The following AEBP2 variants were observed in gnomAD, a reference collection of about 807,000 sequenced individuals.
The protein encoded by AEBP2 is AE binding protein 2, also known as zinc finger protein AEBP2.
AEBP2 carries 10 observed loss-of-function variants against 50.8 expected under a neutral mutation model. The ratio of observed to expected loss-of-function variants is 0.20; its 90% CI spans 0.12 to 0.33. The LOEUF (loss-of-function observed/expected upper bound fraction) is 0.33. AEBP2 is among the 10% of genes least tolerant of loss of function. The pLI, the probability that AEBP2 is intolerant of heterozygous loss-of-function variation, is 1.00. For synonymous variants in AEBP2, 296 were observed against 261.3 expected, an observed-to-expected ratio of 1.13 and a Z score of -1.28; for missense variants, 570 against 688.0, an observed-to-expected ratio of 0.83 and a Z score of 1.92.
chr12:19,502,320 G>C (rs1187406519), intron 5 of AEBP2, among the ~76,000 whole-genome samples: 1 of 152,096 alleles, frequency 6.6e-6, no homozygotes, highest in Non-Finnish European at 1.5e-5. Flanking sequence ...TTTTAGTAGA[G>C]ATGGGGTTTT....
intron 2 of AEBP2, among the ~76,000 whole-genome samples, chr12:19,472,634 T>C (rs56256508): frequency 0.035 from 5,372 of 152,204 alleles, 133 homozygotes; most frequent in Non-Finnish European, 0.052. Context: ...GTCTCAAATA[T>C]CTCTCTATGT....
Position 19,515,769 on chromosome 12 carries a change from A to G in AEBP2, c.1481+985A>G, listed in dbSNP as rs145824393. On this transcript the variant is annotated intron_variant, in intron 7 of 7. Transcript: ENST00000266508. Reference sequence around the variant, plus strand: ...TGAGTGAAATTCCAACATAATGGGCATTGCTATGTAGAAGCATAGTTTTCC... The same window carrying G: ...TGAGTGAAATTCCAACATAATGGGCGTTGCTATGTAGAAGCATAGTTTTCC... Among the ~76,000 whole-genome samples the G allele has an allele frequency of 7.2e-3, 1,104 of 152,308 alleles. 10 individuals carry two copies. The highest frequency in any genetic ancestry group is 7.5e-3 in the Non-Finnish European group (511 of 68,030).
rs1947916561 is a variant in AEBP2, at chr12:19,439,949, G to C, written c.250G>C (p.Glu84Gln). Residue 84 changes from glutamate to glutamine, a missense_variant, in exon 1 of 8, where the codon GAG (glutamate) becomes CAG (glutamine). Transcript: ENST00000266508. ...GGGCGGCGAGGCAGAGACGATGTCG[G>C]AGCCGAGCCCCGAGAGCGCCAGCCA... ...VGGGEAETMS[E>Q]PSPESASQAG... is the part of the protein sequence containing the mutation. 1 of 1,518,338 alleles carries C rather than the reference G, an allele frequency of 6.6e-7. No individual in the cohort carries two copies. The allele number at this position is 1,518,338 out of a possible 1,614,324, so 94.1% of individuals were successfully genotyped here.
chr12:19,487,647 G>A (rs1000297580), intron 3 of AEBP2, among the ~76,000 whole-genome samples: 1 of 152,056 alleles, frequency 6.6e-6, no homozygotes, highest in African/African-American at 2.4e-5. Context: ...GAAGCTGGGA[G>A]GCAGAGGTTG....
intron 1 of AEBP2, among the ~76,000 whole-genome samples, chr12:19,407,060 A>G (rs1303094721): frequency 2.6e-5 from 4 of 152,086 alleles, no homozygotes; most frequent in Non-Finnish European, 5.9e-5. Context: ...TCGGCTACTC[A>G]GGAGGCTGAG....
intron 1 of AEBP2, among the ~76,000 whole-genome samples, chr12:19,448,167 A>G (rs977607098): frequency 2.6e-5 from 4 of 152,124 alleles, no homozygotes; most frequent in Admixed American, 1.3e-4. Flanking sequence ...TTGACCTCCC[A>G]AAGTGCTGGG....
chr12:19,404,858 C>T (rs1240524540), intron 1 of AEBP2, among the ~76,000 whole-genome samples: 3 of 151,248 alleles, frequency 2.0e-5, no homozygotes, highest in Non-Finnish European at 4.4e-5. Context: ...AACGCAGGGC[C>T]ATATGTTACG....
At chr12:19,481,478 T>TG (rs1299123500) in intron 3 of AEBP2, among the ~76,000 whole-genome samples, 1 of 148,818 alleles carries the variant, frequency 6.7e-6, no homozygotes. Context: ...TTTCTTTTCT[T>TG]TTTTTTTTTG....
intron 7 of AEBP2, among the ~76,000 whole-genome samples, chr12:19,517,314 A>G (rs1949334859): frequency 1.3e-5 from 2 of 151,936 alleles, no homozygotes; most frequent in East Asian, 1.9e-4. Flanking sequence ...CAAAATAGAT[A>G]TATTCCTTCA....
intron 4 of AEBP2, among the ~76,000 whole-genome samples, chr12:19,499,058 C>T (rs11044622): frequency 0.021 from 3,267 of 152,202 alleles, 42 homozygotes; most frequent in East Asian, 0.042. Flanking sequence ...CTGATTAATA[C>T]AAATGGCCTT....
intron 3 of AEBP2, among the ~76,000 whole-genome samples, chr12:19,492,253 G>C (rs886808576): frequency 6.6e-6 from 1 of 152,064 alleles, no homozygotes; most frequent in African/African-American, 2.4e-5. Flanking sequence ...TAATTACCAC[G>C]ATTCATTTGT....
intron 5 of AEBP2, among the ~76,000 whole-genome samples, chr12:19,502,437 C>G (rs1421901086): frequency 1.3e-5 from 2 of 151,766 alleles, no homozygotes; most frequent in African/African-American, 4.8e-5. Context: ...CCCGGCCTAT[C>G]TTGAGTTAAT....
chr12:19,485,156 T>A (rs982127522), intron 3 of AEBP2, among the ~76,000 whole-genome samples: 1 of 152,220 alleles, frequency 6.6e-6, no homozygotes, highest in African/African-American at 2.4e-5. Context: ...TGGTTGATGA[T>A]GATGTATATG....
chr12:19,414,517 A>C (rs1249238685), intron 1 of AEBP2, among the ~76,000 whole-genome samples: 1 of 152,214 alleles, frequency 6.6e-6, no homozygotes, highest in Non-Finnish European at 1.5e-5. Context: ...AGAGGCACCC[A>C]GGATGCAAAA....
At chr12:19,439,435 G>A (rs1947898420), upstream of AEBP2, among the ~76,000 whole-genome samples, 1 of 151,130 alleles carries the variant, frequency 6.6e-6, no homozygotes, top group Non-Finnish European at 1.5e-5. Flanking sequence ...GGGGGCGGGG[G>A]CGCAGAACCC....
rs747185168 is a variant in AEBP2, at chr12:19,473,262, A to G, written c.894A>G (p.Leu298=). The G allele has an allele frequency of 5.4e-6, 8 of 1,479,986 alleles. No homozygotes were observed. Among genetic ancestry groups the G allele is most frequent in the Non-Finnish European group, 7.2e-6 (8 of 1,112,602 alleles). 91.7% of individuals were successfully genotyped at this position (1,479,986 alleles called of 1,614,324 possible). A position where few individuals can be genotyped will look rare whatever the true frequency, so the allele number is the denominator to read the frequency against. The change falls in exon 3 of 8, where the codon TTA becomes TTG. Residue 298 remains leucine (L), a synonymous_variant. Coordinates refer to ENST00000266508, the MANE Select transcript of AEBP2 (RefSeq NM_153207.5). ...DGQRGGVFVC[L]WKGCKVYNTP... The stretch of plus-strand genomic sequence containing the variant: ...TTTCTTAACAGGTATTTGTTTGCTT[A>G]TGGAAAGGTTGTAAAGTATATAACA...
At chr12:19,454,807 G>C (rs1255791967) in intron 1 of AEBP2, among the ~76,000 whole-genome samples, 1 of 152,080 alleles carries the variant, frequency 6.6e-6, no homozygotes, top group African/African-American at 2.4e-5. Flanking sequence ...AGTTACCAAG[G>C]AGGAGCTACA....
rs910214663 is a variant in AEBP2 at position 19,500,265 on chromosome 12, A to C, written c.1299+44A>C. On this transcript the variant is annotated intron_variant, in intron 5 of 7. Transcript: ENST00000266508. Reference sequence around the variant, plus strand: ...TTTCAAATTAAATATAAAACTTTGCAAAAAAATATTTCCACAATCATTTCT... The same window carrying C: ...TTTCAAATTAAATATAAAACTTTGCCAAAAAATATTTCCACAATCATTTCT... 4.4e-6 allele frequency: 6 copies of C among 1,365,924 alleles called. No homozygotes were observed. In the African/African-American group the frequency reaches 7.6e-5, roughly 17 times the overall value. 84.6% of individuals were successfully genotyped at this position (1,365,924 alleles called of 1,614,324 possible).
chr12:19,419,601 T>TA (rs1017639221), intron 1 of AEBP2, among the ~76,000 whole-genome samples: 47 of 117,166 alleles, frequency 4.0e-4, no homozygotes, highest in Non-Finnish European at 5.1e-4. Flanking sequence ...AAAATAATAA[T>TA]AAAAAAAAAA....
Sources: allele counts gnomAD v4.1 joint callset (sites outside exome capture counted in the v4.1 genomes callset), GRCh38; gene constraint gnomAD v4.1.1; transcripts MANE v1.5; gene names NCBI Gene and HGNC (gene_info 2026-07-23, HGNC 2026-07-21).